KIF6: variants seen among roughly 807,000 people sequenced by gnomAD.
The protein encoded by KIF6 is kinesin-like protein KIF6.
Under a neutral mutation model 112.7 loss-of-function variants are expected in KIF6, and 106 were observed. The observed-to-expected ratio is 0.94, with a 90% confidence interval of 0.80 to 1.11. The LOEUF is 1.11. Among genes scored for constraint, KIF6 ranks in the 50% least tolerant of loss-of-function variants. KIF6 has a pLI of 0.00. For synonymous variants in KIF6, 339 were observed against 339.9 expected (o/e 1.00, Z 0.03); for missense variants, 929 against 964.0 (o/e 0.96, Z 0.48).
At chr6:39,658,674 C>T (rs570490664) in intron 3 of KIF6, among the ~76,000 whole-genome samples, 1 of 152,288 alleles carries the variant, frequency 6.6e-6, no homozygotes, top group South Asian at 2.1e-4. Flanking sequence ...CACTACTTAA[C>T]ATGTTAAGTT....
chr6:39,631,787 C>G (rs1784366321), intron 5 of KIF6, among the ~76,000 whole-genome samples: 1 of 150,578 alleles, frequency 6.6e-6, no homozygotes, highest in Non-Finnish European at 1.5e-5. Context: ...CAGAGAATAA[C>G]CTGGGAATTG....
At chr6:39,530,573 T>C (rs1777994276) in intron 13 of KIF6, among the ~76,000 whole-genome samples, 1 of 152,184 alleles carries the variant, frequency 6.6e-6, no homozygotes, top group South Asian at 2.1e-4. Flanking sequence ...TCCTTGGCCA[T>C]GTCAGGCTGC....
chr6:39,709,107 C>T (rs1789382452), intron 3 of KIF6, among the ~76,000 whole-genome samples: 1 of 152,192 alleles, frequency 6.6e-6, no homozygotes, highest in African/African-American at 2.4e-5. Flanking sequence ...TGATGAAGCA[C>T]TTCCTAGTGG....
intron 6 of KIF6, among the ~76,000 whole-genome samples, chr6:39,608,639 T>A (rs1252549571): frequency 6.6e-6 from 1 of 152,202 alleles, no homozygotes. Context: ...TATTTATAAA[T>A]CCCATAAACT....
At chr6:39,640,319 G>T (rs1442205693) in intron 3 of KIF6, among the ~76,000 whole-genome samples, 1 of 152,086 alleles carries the variant, frequency 6.6e-6, no homozygotes, top group Admixed American at 6.6e-5. Context: ...GCCCTGCAGA[G>T]CGGCCCTTGA....
At chr6:39,477,830 C>A (rs1318453963) in intron 13 of KIF6, among the ~76,000 whole-genome samples, 1 of 151,984 alleles carries the variant, frequency 6.6e-6, no homozygotes, top group Non-Finnish European at 1.5e-5. Context: ...CATTGCACTC[C>A]AGCCTGGGTG....
intron 8 of KIF6, 62 bp downstream of exon 8, chr6:39,586,199 C>A: frequency 6.3e-7 from 1 of 1,579,350 alleles, no homozygotes; most frequent in Non-Finnish European, 8.7e-7. Flanking sequence ...AGCCTCAACT[C>A]CGTCTCACGT....
At chr6:39,646,674 CCAAA>C (rs1307041179) in intron 3 of KIF6, among the ~76,000 whole-genome samples, 1 of 152,144 alleles carries the variant, frequency 6.6e-6, no homozygotes, top group East Asian at 1.9e-4. Flanking sequence ...AAAACACAAA[CCAAA>C]CAATTGGTAC....
chr6:39,517,369 G>A (rs1182466970), intron 13 of KIF6, among the ~76,000 whole-genome samples: 1 of 152,186 alleles, frequency 6.6e-6, no homozygotes, highest in Non-Finnish European at 1.5e-5. Flanking sequence ...TTGTAGTTGA[G>A]TCAGATGACT....
At chr6:39,337,059 TCTTTCTTTCTCTTTC>T in intron 22 of KIF6, among the ~76,000 whole-genome samples, 1 of 144,730 alleles carries the variant, frequency 6.9e-6, no homozygotes. Context: ...TTTCTTTCTT[TCTTTCTTTCTCTTTC>T]CTTTCTTTCC....
intron 7 of KIF6, among the ~76,000 whole-genome samples, chr6:39,590,705 C>G (rs181067947): frequency 6.6e-6 from 1 of 152,112 alleles, no homozygotes; most frequent in South Asian, 2.1e-4. Context: ...CCCACCTTTG[C>G]CTCCTAAAGT....
chr6:39,397,115 G>A (rs186378487), intron 15 of KIF6, among the ~76,000 whole-genome samples: 3 of 152,204 alleles, frequency 2.0e-5, no homozygotes, highest in East Asian at 1.9e-4. Context: ...TTCAGCACTC[G>A]CTGACTCCAA....
chr6:39,440,903 C>T (rs2150394917), intron 13 of KIF6, among the ~76,000 whole-genome samples: 1 of 152,252 alleles, frequency 6.6e-6, no homozygotes, highest in Middle Eastern at 3.4e-3. Flanking sequence ...CAGGACAAGC[C>T]AGCAGCTTTG....
intron 13 of KIF6, among the ~76,000 whole-genome samples, chr6:39,453,495 A>C (rs780793899): frequency 6.6e-6 from 1 of 152,194 alleles, no homozygotes; most frequent in Non-Finnish European, 1.5e-5. Context: ...CAACTGTTAC[A>C]TCCTTTCTAA....
intron 16 of KIF6, among the ~76,000 whole-genome samples, chr6:39,364,744 ATCT>A (rs1765434459): frequency 6.6e-6 from 1 of 152,194 alleles, no homozygotes; most frequent in Admixed American, 6.5e-5. Flanking sequence ...TGGCATTGCC[ATCT>A]TCTTTCAGCT....
intron 13 of KIF6, among the ~76,000 whole-genome samples, chr6:39,432,613 C>T (rs1363168290): frequency 6.6e-6 from 1 of 152,214 alleles, no homozygotes; most frequent in African/African-American, 2.4e-5. Flanking sequence ...TTTGTCTCCA[C>T]ATCTGCCTTG....
chr6:39,722,976 T>A (rs1466508449), intron 1 of KIF6, among the ~76,000 whole-genome samples: 2 of 152,210 alleles, frequency 1.3e-5, no homozygotes, highest in African/African-American at 4.8e-5. Context: ...AGACTCTCCA[T>A]CCACTTCCCT....
intron 12 of KIF6, among the ~76,000 whole-genome samples, chr6:39,542,465 A>C (rs1172794832): frequency 6.6e-6 from 1 of 152,136 alleles, no homozygotes; most frequent in Non-Finnish European, 1.5e-5. Flanking sequence ...TGGGTGCATT[A>C]CTGTCTTTTG....
chr6:39,366,221 C>A (rs1765546171), intron 16 of KIF6, among the ~76,000 whole-genome samples: 1 of 152,184 alleles, frequency 6.6e-6, no homozygotes, highest in Non-Finnish European at 1.5e-5. Context: ...CACTTTCATT[C>A]TCACCACCTC....
Sources: gnomAD v4.1 joint callset for allele counts (sites outside exome capture counted in the v4.1 genomes callset) on GRCh38, gnomAD v4.1.1 for gene constraint, MANE v1.5 for transcripts, NCBI Gene and HGNC (gene_info 2026-07-23, HGNC 2026-07-21) for gene names.